ARHGAP28: variants seen among roughly 807,000 people sequenced by gnomAD.
ARHGAP28 encodes rho GTPase-activating protein 28.
Under a neutral mutation model 90.7 loss-of-function variants are expected in ARHGAP28, and 56 were observed. The observed-to-expected ratio is 0.62, with a 90% confidence interval of 0.50 to 0.77. ARHGAP28 has a LOEUF of 0.77. Among genes scored for constraint, ARHGAP28 ranks in the 30% least tolerant of loss-of-function variants. The pLI is 0.00. For synonymous variants in ARHGAP28, 308 were observed against 323.3 expected (o/e 0.95, Z 0.51); for missense variants, 869 against 900.9 (o/e 0.96, Z 0.45).
chr18:6,831,543 G>A (rs188573872), intron 2 of ARHGAP28, among the ~76,000 whole-genome samples: 1 of 139,614 alleles, frequency 7.2e-6, no homozygotes. Context: ...CATTGTGCAG[G>A]TTAGTTACAT....
chr18:6,864,190 C>T (rs1433248585), intron 5 of ARHGAP28, among the ~76,000 whole-genome samples: 1 of 152,110 alleles, frequency 6.6e-6, no homozygotes, highest in African/African-American at 2.4e-5. Flanking sequence ...CTCTGCCTCC[C>T]CAGTAGCTGG....
At chr18:6,795,126 T>C (rs1345908070) in intron 1 of ARHGAP28, among the ~76,000 whole-genome samples, 2 of 152,224 alleles carry the variant, frequency 1.3e-5, no homozygotes, top group South Asian at 4.1e-4. Context: ...TTCATTTTAT[T>C]AAGACTAATT....
At chr18:6,876,902 C>A (rs911034818) in intron 10 of ARHGAP28, among the ~76,000 whole-genome samples, 1 of 152,162 alleles carries the variant, frequency 6.6e-6, no homozygotes. Context: ...AAAAGCTTTT[C>A]TCATAAAAAT....
chr18:6,805,321 T>G (rs1374618138), intron 1 of ARHGAP28, among the ~76,000 whole-genome samples: 2 of 152,170 alleles, frequency 1.3e-5, no homozygotes, highest in African/African-American at 2.4e-5. Flanking sequence ...AGAAGTCTTT[T>G]TGCTCTATAA....
intron 10 of ARHGAP28, among the ~76,000 whole-genome samples, chr18:6,881,317 T>C (rs1279315858): frequency 6.6e-6 from 1 of 152,200 alleles, no homozygotes; most frequent in East Asian, 1.9e-4. Flanking sequence ...CCTTTCTAAG[T>C]ATCTTTTCTG....
chr18:6,910,658 TTATCACC>T (rs1271961281), intron 17 of ARHGAP28, among the ~76,000 whole-genome samples: 3 of 152,018 alleles, frequency 2.0e-5, no homozygotes, highest in Admixed American at 6.6e-5. Flanking sequence ...TCTCATGTTC[TTATCACC>T]AGTGGACTTA....
chr18:6,797,554 G>C (rs944632178), intron 1 of ARHGAP28, among the ~76,000 whole-genome samples: 1 of 151,750 alleles, frequency 6.6e-6, no homozygotes, highest in Non-Finnish European at 1.5e-5. Flanking sequence ...GCAGAACTTT[G>C]TTATCTTTTT....
At chr18:6,884,005 G>A (rs1477996414) in intron 11 of ARHGAP28, among the ~76,000 whole-genome samples, 1 of 152,046 alleles carries the variant, frequency 6.6e-6, no homozygotes. Flanking sequence ...TTTCTGTTGA[G>A]GTGACCTATC....
chr18:6,856,512 GTT>G, intron 4 of ARHGAP28, among the ~76,000 whole-genome samples: 1 of 152,012 alleles, frequency 6.6e-6, no homozygotes, highest in East Asian at 1.9e-4. Context: ...TTGTGTTTTT[GTT>G]TTTTTGTGTT....
intron 3 of ARHGAP28, among the ~76,000 whole-genome samples, chr18:6,841,180 CCTCTCTCTCTCTCT>C (rs143797436): frequency 3.5e-5 from 2 of 57,064 alleles, no homozygotes; most frequent in East Asian, 9.8e-4. Context: ...CTCTCTCTCT[CCTCTCTCTCTCTCT>C]CTCTCTCTCC....
intron 16 of ARHGAP28, among the ~76,000 whole-genome samples, chr18:6,904,425 T>C (rs2057354348): frequency 6.6e-6 from 1 of 152,068 alleles, no homozygotes; most frequent in Non-Finnish European, 1.5e-5. Context: ...ATTTAAAAAA[T>C]AAAATTATGT....
rs974037580 is a variant in ARHGAP28 at position 6,913,331 on chromosome 18, G to T, written c.*1177G>T. On this transcript the variant is annotated 3_prime_UTR_variant, in exon 18 of 18. Coordinates refer to ENST00000383472, the MANE Select transcript of ARHGAP28 (RefSeq NM_001366230.1). ...GGAGCAAATCTAAAAGGTGCTGAGG[G>T]ATTGGACAGCTCTGACTTTCCTCGA... 9.9e-5 allele frequency: 15 copies of T among 152,184 alleles called. No homozygotes were observed. The highest frequency in any genetic ancestry group is 3.6e-4 in the African/African-American group (15 of 41,442). The allele number at this position is 152,184 out of a possible 1,614,324, so 9.4% of individuals were successfully genotyped here. A position where few individuals can be genotyped will look rare whatever the true frequency, so the allele number is the denominator to read the frequency against.
intron 1 of ARHGAP28, among the ~76,000 whole-genome samples, chr18:6,741,565 C>A (rs55866900): frequency 0.27 from 41,283 of 152,044 alleles, 6,442 homozygotes; most frequent in South Asian, 0.33. Flanking sequence ...TTCGATTATA[C>A]CAATCCTAAA....
chr18:6,839,388 G>C (rs1274336498), intron 3 of ARHGAP28, among the ~76,000 whole-genome samples: 6 of 150,232 alleles, frequency 4.0e-5, no homozygotes, highest in African/African-American at 1.5e-4. Context: ...CCGCCTCCCG[G>C]GTTCACGCCA....
chr18:6,798,737 T>C (rs938975950), intron 1 of ARHGAP28, among the ~76,000 whole-genome samples: 1 of 152,188 alleles, frequency 6.6e-6, no homozygotes, highest in Non-Finnish European at 1.5e-5. Context: ...TGCACACTGC[T>C]CAGTTGACTA....
At chr18:6,858,277 C>T (rs2056969995) in intron 4 of ARHGAP28, among the ~76,000 whole-genome samples, 1 of 151,902 alleles carries the variant, frequency 6.6e-6, no homozygotes, top group Non-Finnish European at 1.5e-5. Context: ...CTTTCTTATT[C>T]TTTGTTCATT....
intron 16 of ARHGAP28, among the ~76,000 whole-genome samples, chr18:6,908,619 G>A (rs1308972214): frequency 6.6e-6 from 1 of 152,178 alleles, no homozygotes; most frequent in Non-Finnish European, 1.5e-5. Flanking sequence ...TGACAAGGCA[G>A]TACTAAACAC....
chr18:6,871,672 T>A (rs962646269), intron 7 of ARHGAP28, among the ~76,000 whole-genome samples: 1 of 152,200 alleles, frequency 6.6e-6, no homozygotes, highest in Non-Finnish European at 1.5e-5. Flanking sequence ...GAATACTCTG[T>A]GCTGATTACG....
chr18:6,882,217 A>G lies in ARHGAP28; in HGVS notation c.1371A>G (p.Val457=). The part of the protein sequence containing the change: ...WDKMCHREAA[V]MLKAFFRELP... ...AAATGTGCCATAGAGAAGCTGCAGTAATGTTGAAAGCGTTTTTCAGAGAAC... is the reference window on the plus strand; with the variant it reads ...AAATGTGCCATAGAGAAGCTGCAGTGATGTTGAAAGCGTTTTTCAGAGAAC... The change falls in exon 11 of 18, where the codon GTA becomes GTG. Residue 457 remains valine (V), a synonymous_variant. Coordinates refer to ENST00000383472, the MANE Select transcript of ARHGAP28 (RefSeq NM_001366230.1). The G allele has an allele frequency of 6.2e-7, 1 of 1,614,096 alleles. No homozygotes were observed. Among genetic ancestry groups the G allele is most frequent in the Non-Finnish European group, 8.5e-7 (1 of 1,179,988 alleles).
Sources: gnomAD v4.1 joint callset for allele counts (sites outside exome capture counted in the v4.1 genomes callset) on GRCh38, gnomAD v4.1.1 for gene constraint, MANE v1.5 for transcripts, NCBI Gene and HGNC (gene_info 2026-07-23, HGNC 2026-07-21) for gene names.